The following RGS5 variants were observed in gnomAD, a reference collection of about 807,000 sequenced individuals.
The protein encoded by RGS5 is regulator of G protein signaling 5.
Under a neutral mutation model 18.9 loss-of-function variants are expected in RGS5, and 20 were observed. The ratio of observed to expected loss-of-function variants is 1.06; its 90% confidence interval spans 0.74 to 1.54. The LOEUF (loss-of-function observed/expected upper bound fraction) is 1.54, where lower values mean the gene tolerates loss of function less well. Ranked by LOEUF, RGS5 falls within the 40% of genes most tolerant of loss-of-function variation. RGS5 has a pLI of 0.00. For synonymous variants in RGS5, 57 were observed against 76.2 expected, an observed-to-expected ratio of 0.75 and a Z score of 1.31; for missense variants, 201 against 211.8, an observed-to-expected ratio of 0.95 and a Z score of 0.32.
chr1:163,194,314 T>A (rs930602988), intron 1 of RGS5, among the ~76,000 whole-genome samples: 1 of 152,196 alleles, frequency 6.6e-6, no homozygotes, highest in African/African-American at 2.4e-5. Context: ...ATTGATTGCA[T>A]CTTTTAAGCT....
At chr1:163,199,207 T>A (rs1037181497) in intron 1 of RGS5, among the ~76,000 whole-genome samples, 11 of 152,210 alleles carry the variant, frequency 7.2e-5, no homozygotes, top group African/African-American at 2.4e-4. Context: ...GGTTTCAATA[T>A]GCCAGAGGGT....
intron 1 of RGS5, among the ~76,000 whole-genome samples, chr1:163,197,520 G>T (rs908350962): frequency 6.6e-6 from 1 of 151,994 alleles, no homozygotes; most frequent in South Asian, 2.1e-4. Context: ...CTCCCTAACT[G>T]GGCTTAAATT....
chr1:163,181,332 G>A (rs931189721), intron 1 of RGS5, among the ~76,000 whole-genome samples: 2 of 151,926 alleles, frequency 1.3e-5, no homozygotes, highest in Non-Finnish European at 2.9e-5. Flanking sequence ...CCACCTCTAT[G>A]CCAGTTTAAT....
At chr1:163,292,833 G>A (rs1383663379) in intron 2 of RGS5, among the ~76,000 whole-genome samples, 1 of 151,416 alleles carries the variant, frequency 6.6e-6, no homozygotes, top group Non-Finnish European at 1.5e-5. Context: ...AGATGTTTTT[G>A]TTCATGTCCT....
upstream of RGS5, among the ~76,000 whole-genome samples, chr1:163,207,859 C>T (rs942816369): frequency 6.6e-6 from 1 of 151,400 alleles, no homozygotes; most frequent in Admixed American, 6.6e-5. Flanking sequence ...ACAAAGGTAA[C>T]CATTAGAACA....
intron 2 of RGS5, among the ~76,000 whole-genome samples, chr1:163,229,432 T>C (rs1647416956): frequency 6.6e-6 from 1 of 152,182 alleles, no homozygotes; most frequent in Non-Finnish European, 1.5e-5. Flanking sequence ...GTGGGGATTA[T>C]TACAATTCAA....
chr1:163,158,145 G>C (rs1330929375), intron 3 of RGS5, among the ~76,000 whole-genome samples: 1 of 152,210 alleles, frequency 6.6e-6, no homozygotes, highest in Non-Finnish European at 1.5e-5. Context: ...TTGGCTTACA[G>C]TTATTCATGG....
At chr1:163,247,037 C>T (rs981470179) in intron 2 of RGS5, among the ~76,000 whole-genome samples, 1 of 152,098 alleles carries the variant, frequency 6.6e-6, no homozygotes, top group African/African-American at 2.4e-5. Context: ...ACATTAAGTA[C>T]ACATGGACAC....
In RGS5 at chr1:163,276,081, A is replaced by T. The variant is rs151239297; in HGVS notation, c.-281+30152T>A. On this transcript the variant is annotated intron_variant, in intron 2 of 5. Coordinates refer to the RGS5 transcript ENST00000618415. ...GCGATCTTGGCTCACTGCAACCTTC[A>T]CCTTCCGGGTTCAAGCAATTCTCCT... Among the ~76,000 whole-genome samples the T allele has an allele frequency of 7.1e-4, 108 of 151,770 alleles. 1 individual carries two copies. The East Asian group carries it at 0.019, about 27-fold the overall frequency.
chr1:163,208,167 T>C (rs549186470), intron 1 of RGS5, among the ~76,000 whole-genome samples: 1 of 150,684 alleles, frequency 6.6e-6, no homozygotes, highest in South Asian at 2.1e-4. Flanking sequence ...GGCAACACGG[T>C]GAAACCCCGT....
At chr1:163,170,149 T>C (rs1366778780) in intron 1 of RGS5, among the ~76,000 whole-genome samples, 1 of 152,188 alleles carries the variant, frequency 6.6e-6, no homozygotes, top group Non-Finnish European at 1.5e-5. Context: ...AAGCTACCCT[T>C]TCCCAGTCAC....
intron 1 of RGS5, among the ~76,000 whole-genome samples, chr1:163,196,933 C>A (rs2999859): frequency 0.55 from 83,141 of 151,974 alleles, 23,517 homozygotes; most frequent in African/African-American, 0.69. Context: ...TTTGCTGTAA[C>A]TTCATTCATG....
chr1:163,269,135 G>A (rs928692512), intron 2 of RGS5, among the ~76,000 whole-genome samples: 2 of 152,086 alleles, frequency 1.3e-5, no homozygotes, highest in African/African-American at 4.8e-5. Context: ...AATTTTTTAA[G>A]TTCTATGCAA....
At chr1:163,276,671 G>A (rs764158206) in intron 2 of RGS5, among the ~76,000 whole-genome samples, 3 of 152,192 alleles carry the variant, frequency 2.0e-5, no homozygotes, top group Non-Finnish European at 4.4e-5. Context: ...TAAATTGGCT[G>A]TCTTCTGACT....
chr1:163,291,031 A>T (rs1649269006), intron 2 of RGS5, among the ~76,000 whole-genome samples: 1 of 152,118 alleles, frequency 6.6e-6, no homozygotes, highest in African/African-American at 2.4e-5. Flanking sequence ...TAATTAACTG[A>T]ATCAAAAGAT....
At chr1:163,226,084 C>A (rs1647324384) in intron 2 of RGS5, among the ~76,000 whole-genome samples, 1 of 152,112 alleles carries the variant, frequency 6.6e-6, no homozygotes, top group South Asian at 2.1e-4. Context: ...CTATGCCCAG[C>A]TAATTTTGTG....
At chr1:163,154,252 G>T (rs181259206) in intron 3 of RGS5, among the ~76,000 whole-genome samples, 1 of 151,944 alleles carries the variant, frequency 6.6e-6, no homozygotes, top group African/African-American at 2.4e-5. Flanking sequence ...AGCATAAAAC[G>T]TATGCAATGA....
At chr1:163,286,129 A>AC (rs750313420) in intron 2 of RGS5, among the ~76,000 whole-genome samples, 2 of 152,018 alleles carry the variant, frequency 1.3e-5, no homozygotes, top group African/African-American at 4.8e-5. Context: ...TGGAAAAAAA[A>AC]CCCCCAATAA....
chr1:163,161,539 T>C (rs560297826), intron 3 of RGS5: 62 of 180,486 alleles, frequency 3.4e-4, no homozygotes, highest in African/African-American at 1.4e-3. Flanking sequence ...ATCTTTATGC[T>C]GCTATATCTG....
Sources: gnomAD v4.1 joint callset for allele counts (sites outside exome capture counted in the v4.1 genomes callset) on GRCh38, gnomAD v4.1.1 for gene constraint, MANE v1.5 for transcripts, NCBI Gene and HGNC (gene_info 2026-07-23, HGNC 2026-07-21) for gene names.